ANKRD30B: variants seen among roughly 807,000 people sequenced by gnomAD.
ANKRD30B encodes ankyrin repeat domain 30B.
In ANKRD30B, 144 loss-of-function variants were observed where a neutral mutation model predicts 202.2. The observed-to-expected ratio is 0.71, with a 90% CI of 0.62 to 0.82. The LOEUF (loss-of-function observed/expected upper bound fraction) is 0.82. Among genes scored for constraint, ANKRD30B ranks in the 40% least tolerant of loss-of-function variants. The probability of loss-of-function intolerance (pLI) is 0.00; values close to 1 mark genes in which losing one functional copy is unlikely to be tolerated. For synonymous variants in ANKRD30B, 508 were observed against 561.3 expected, an observed-to-expected ratio of 0.91 and a Z score of 1.34; for missense variants, 1,487 against 1,669.1, an observed-to-expected ratio of 0.89 and a Z score of 1.90.
At position 14,778,072 on chromosome 18, in the gene ANKRD30B, G is replaced by A. The variant is rs1967491558; in HGVS notation, c.1417G>A (p.Glu473Lys). The part of the protein sequence containing the change: ...KDIKTINHKI[E>K]DQMFPSESKR... ...TATCAAAACAATAAATCACAAAATA[G>A]AAGGTAAGAACCATTTTTTATTTAA... Residue 473 changes from glutamate to lysine, a missense_variant, in exon 10 of 44, where the codon GAA (glutamate) becomes AAA (lysine). Glu to Lys is a moderately conservative substitution (Grantham distance 56). Coordinates refer to ENST00000690538, the MANE Select transcript of ANKRD30B (RefSeq NM_001367607.2). The A allele has an allele frequency of 2.6e-6, 4 of 1,534,450 alleles. No individual in the cohort carries two copies. The highest frequency in any genetic ancestry group is 3.5e-6 in the Non-Finnish European group (4 of 1,132,474).
the ANKRD30B span, among the ~76,000 whole-genome samples, chr18:14,878,091 T>C: frequency 6.6e-6 from 1 of 152,150 alleles, no homozygotes; most frequent in Non-Finnish European, 1.5e-5. Context: ...TGTGAGGGAA[T>C]AGGGTGTCAG....
chr18:14,796,434 C>G lies in ANKRD30B; in HGVS notation c.1927+19C>G. 6.5e-7 allele frequency: 1 copy of G among 1,536,170 alleles called. No individual in the cohort carries two copies. Among genetic ancestry groups the G allele is most frequent in the African/African-American group, 1.4e-5 (1 of 72,432 alleles). On this transcript the variant is annotated intron_variant, in intron 18 of 43. Transcript: ENST00000690538. ...AAAGCAGGTAAATTTTGTAATTTAA[C>G]TTTTAATCTGTAATTAAGAATATTA...
At chr18:14,917,747 G>T in the ANKRD30B span, among the ~76,000 whole-genome samples, 1 of 152,224 alleles carries the variant, frequency 6.6e-6, no homozygotes, top group African/African-American at 2.4e-5. Flanking sequence ...TGTGCTCAGG[G>T]CCTGCTCTTC....
intron 4 of ANKRD30B, among the ~76,000 whole-genome samples, chr18:14,757,450 T>C (rs1002542633): frequency 2.6e-5 from 4 of 152,232 alleles, no homozygotes; most frequent in Non-Finnish European, 5.9e-5. Context: ...AATATTGTTT[T>C]AAGCCTTCAG....
chr18:14,828,769 C>T (rs1262442257), intron 33 of ANKRD30B, among the ~76,000 whole-genome samples: 5 of 152,148 alleles, frequency 3.3e-5, no homozygotes, highest in African/African-American at 7.2e-5. Context: ...CATGTTTAAC[C>T]GTTAAAGTGG....
chr18:14,933,731 G>A, the ANKRD30B span, among the ~76,000 whole-genome samples: 118 of 102,218 alleles, frequency 1.2e-3, no homozygotes, highest in Non-Finnish European at 2.0e-3. Flanking sequence ...TGGCCACTAC[G>A]TGGGGAGAGG....
At chr18:14,825,198 A>G (rs1482243673) in intron 32 of ANKRD30B, 2 of 152,132 alleles carry the variant, frequency 1.3e-5, no homozygotes, top group Non-Finnish European at 2.9e-5. Context: ...GGGTTCCATC[A>G]CGATCCTTTT....
At chr18:14,865,706 C>A in the ANKRD30B span, among the ~76,000 whole-genome samples, 6 of 151,518 alleles carry the variant, frequency 4.0e-5, no homozygotes, top group African/African-American at 1.2e-4. Flanking sequence ...ACTAACCACC[C>A]TCTTTACCCT....
intron 8 of ANKRD30B, among the ~76,000 whole-genome samples, 200 bp from the exon 9 acceptor site, chr18:14,771,956 G>A (rs1363476005): frequency 6.6e-6 from 1 of 152,052 alleles, no homozygotes; most frequent in African/African-American, 2.4e-5. Flanking sequence ...TCAAAAATAG[G>A]TAACTAAAAT....
the ANKRD30B span, among the ~76,000 whole-genome samples, chr18:14,870,217 C>A: frequency 3.3e-5 from 5 of 152,198 alleles, no homozygotes; most frequent in African/African-American, 1.2e-4. Flanking sequence ...CAGGCTCAGA[C>A]AATCCTTCTG....
At chr18:14,903,691 G>GC in the ANKRD30B span, 1 of 152,234 alleles carries the variant, frequency 6.6e-6, no homozygotes, top group African/African-American at 2.4e-5. Flanking sequence ...TTACATCAGG[G>GC]ACCACTATTT....
the ANKRD30B span, among the ~76,000 whole-genome samples, chr18:14,863,268 G>C: frequency 6.6e-6 from 1 of 152,188 alleles, no homozygotes; most frequent in African/African-American, 2.4e-5. Flanking sequence ...GGGCCTAGTG[G>C]AAGGTGTTGA....
the ANKRD30B span, among the ~76,000 whole-genome samples, chr18:14,893,776 C>T: frequency 6.6e-6 from 1 of 150,888 alleles, no homozygotes. Context: ...GTATCCGTTG[C>T]CTCACATAAA....
the ANKRD30B span, among the ~76,000 whole-genome samples, chr18:14,931,476 A>T: frequency 6.6e-6 from 1 of 151,912 alleles, no homozygotes; most frequent in African/African-American, 2.4e-5. Flanking sequence ...TCACATGGAA[A>T]CCCACTAGGC....
chr18:14,791,527 C>T, intron 16 of ANKRD30B, 36 bp downstream of exon 16: 2 of 1,504,320 alleles, frequency 1.3e-6, no homozygotes, highest in Non-Finnish European at 1.8e-6. Context: ...GTCATTTGAC[C>T]AAATATTTAT....
intron 10 of ANKRD30B, 22 bp from the exon 11 acceptor site, chr18:14,779,938 T>C: frequency 6.6e-7 from 1 of 1,513,018 alleles, no homozygotes; most frequent in Non-Finnish European, 9.1e-7. Flanking sequence ...CTCATGAATG[T>C]ATCTGTGATT....
the ANKRD30B span, among the ~76,000 whole-genome samples, chr18:14,860,128 G>A: frequency 0.011 from 1,633 of 147,060 alleles, 33 homozygotes; most frequent in African/African-American, 0.039. Context: ...GGGCGGCTGG[G>A]CAGAGGCGCT....
At chr18:14,833,522 T>A (rs1038527207) in intron 34 of ANKRD30B, among the ~76,000 whole-genome samples, 1 of 152,234 alleles carries the variant, frequency 6.6e-6, no homozygotes, top group Non-Finnish European at 1.5e-5. Context: ...AAAATTCTGA[T>A]TACCAATACT....
intron 4 of ANKRD30B, among the ~76,000 whole-genome samples, chr18:14,756,259 T>A (rs985956184): frequency 1.3e-5 from 2 of 152,214 alleles, no homozygotes; most frequent in African/African-American, 4.8e-5. Flanking sequence ...TTGTTTGTTT[T>A]TTTCTTGTAA....
Sources: allele counts gnomAD v4.1 joint callset (sites outside exome capture counted in the v4.1 genomes callset), GRCh38; gene constraint gnomAD v4.1.1; transcripts MANE v1.5; gene names NCBI Gene and HGNC (gene_info 2026-07-23, HGNC 2026-07-21).